The following GALNT2 variants were observed in gnomAD, a reference collection of about 807,000 sequenced individuals.
GALNT2 encodes the protein UDP-GalNAc:polypeptide N-acetylgalactosaminyltransferase 2.
Under a neutral mutation model 81.4 loss-of-function variants are expected in GALNT2, and 31 were observed. The ratio of observed to expected loss-of-function variants is 0.38; its 90% confidence interval spans 0.29 to 0.51. The LOEUF (loss-of-function observed/expected upper bound fraction) is 0.51. Ranked by LOEUF, GALNT2 falls within the 20% of genes least tolerant of loss-of-function variation. The pLI, the probability that GALNT2 is intolerant of heterozygous loss-of-function variation, is 0.87. For missense variants in GALNT2, 629 were observed against 765.7 expected (o/e 0.82, Z 2.11); for synonymous variants, 303 against 287.4 (o/e 1.05, Z -0.55).
intron 1 of GALNT2, among the ~76,000 whole-genome samples, chr1:230,150,262 C>T (rs994393634): frequency 6.6e-5 from 10 of 152,216 alleles, no homozygotes; most frequent in African/African-American, 2.2e-4. Context: ...CGAAGCTTCC[C>T]TCTTTACCTC....
chr1:230,234,714 C>T (rs920573718), intron 3 of GALNT2, among the ~76,000 whole-genome samples: 9 of 152,172 alleles, frequency 5.9e-5, no homozygotes, highest in South Asian at 2.1e-4. Context: ...TAGAAGTCCT[C>T]GTGGGCTGTC....
At chr1:230,267,812 T>C (rs1572158801) in intron 14 of GALNT2, among the ~76,000 whole-genome samples, 3 of 152,136 alleles carry the variant, frequency 2.0e-5, no homozygotes, top group African/African-American at 7.2e-5. Flanking sequence ...TGTCCATGCT[T>C]CTGTGTCCTT....
At chr1:230,142,092 C>T (rs1024239718) in intron 1 of GALNT2, among the ~76,000 whole-genome samples, 5 of 152,012 alleles carry the variant, frequency 3.3e-5, no homozygotes, top group South Asian at 2.1e-4. Flanking sequence ...CACCCCTGGC[C>T]GAGACCTTGC....
In GALNT2 at chr1:230,266,545, TC is replaced by T. The variant is rs1666042142; in HGVS notation, c.1440+1180del. Among the ~76,000 whole-genome samples, 3 of 152,328 alleles carry T rather than the reference TC, an allele frequency of 2.0e-5. No individual in the cohort carries two copies. In the South Asian group the frequency reaches 6.2e-4, roughly 32 times the overall value. On this transcript the variant is annotated intron_variant, in intron 14 of 15. Coordinates refer to ENST00000366672, the MANE Select transcript of GALNT2 (RefSeq NM_004481.5). Reference sequence around the variant, plus strand: ...GCATGTGCTTTTGTGTAAAGCTGGGTCCTCCTCCCAAGTGAGTGTCCAGGCA... The same window carrying T: ...GCATGTGCTTTTGTGTAAAGCTGGGTCTCCTCCCAAGTGAGTGTCCAGGCA...
At chr1:230,189,206 T>A (rs1663438208) in intron 2 of GALNT2, among the ~76,000 whole-genome samples, 1 of 152,200 alleles carries the variant, frequency 6.6e-6, no homozygotes, top group African/African-American at 2.4e-5. Flanking sequence ...TGTAAAGGGC[T>A]GAGGCTTAGG....
At chr1:230,229,440 G>T (rs1664808633) in intron 3 of GALNT2, among the ~76,000 whole-genome samples, 1 of 152,196 alleles carries the variant, frequency 6.6e-6, no homozygotes, top group African/African-American at 2.4e-5. Flanking sequence ...ACCTAGGGAT[G>T]GTGAGAATAC....
rs1349789188 is a variant in GALNT2, at chr1:230,279,556, A to T, written c.*98A>T. ...TGTTTCTTAAACTTTCCGCGAAACTAATATACCTCAGTATTCCATCATGGT... is the reference window on the plus strand; with the variant it reads ...TGTTTCTTAAACTTTCCGCGAAACTTATATACCTCAGTATTCCATCATGGT... On this transcript the variant is annotated 3_prime_UTR_variant, in exon 16 of 16. Coordinates refer to ENST00000366672, the MANE Select transcript of GALNT2 (RefSeq NM_004481.5). The surrounding 1 kb of genome is among the most constrained non-coding windows in gnomAD (Gnocchi z 4.6). 4 of 1,387,842 alleles carry T rather than the reference A, an allele frequency of 2.9e-6. No individual in the cohort carries two copies. The highest frequency in any genetic ancestry group is 3.9e-6 in the Non-Finnish European group (4 of 1,020,834). 86.0% of individuals were successfully genotyped at this position (1,387,842 alleles called of 1,614,324 possible). A position where few individuals can be genotyped will look rare whatever the true frequency, so the allele number is the denominator to read the frequency against.
At chr1:230,236,813 A>T in intron 6 of GALNT2, 88 bp downstream of exon 6, 1 of 1,316,246 alleles carries the variant, frequency 7.6e-7, no homozygotes, top group South Asian at 1.4e-5. Flanking sequence ...TCAAAGAGCA[A>T]TTAATTGTCT....
At chr1:230,208,730 G>A (rs1054082332) in intron 3 of GALNT2, among the ~76,000 whole-genome samples, 1 of 152,220 alleles carries the variant, frequency 6.6e-6, no homozygotes, top group African/African-American at 2.4e-5. Context: ...CTGTGTTCCC[G>A]TGATCAGGAG....
rs529907644 is a variant in GALNT2, at chr1:230,255,131, G to A, written c.1010-87G>A. The A allele has an allele frequency of 5.3e-5, 85 of 1,593,932 alleles. No individual in the cohort carries two copies. The African/African-American group carries it at 1.0e-3, about 19-fold the overall frequency. On this transcript the variant is annotated intron_variant, in intron 10 of 15. Transcript: ENST00000366672. Reference sequence around the variant, plus strand: ...GGAGCCCCATGATGGGATGGTCAGGGGGCCTCTGTACCTGCTTGGTGTGTC... The same window carrying A: ...GGAGCCCCATGATGGGATGGTCAGGAGGCCTCTGTACCTGCTTGGTGTGTC...
At chr1:230,098,972 C>T (rs539426973) in intron 1 of GALNT2, among the ~76,000 whole-genome samples, 83 of 152,238 alleles carry the variant, frequency 5.5e-4, no homozygotes, top group Middle Eastern at 3.4e-3. Context: ...GTGCATTGAG[C>T]GGGCTGGTCA....
Position 230,247,300 on chromosome 1 carries a change from C to A in GALNT2, c.817+1150C>A, listed in dbSNP as rs553710590. Among the ~76,000 whole-genome samples, 8 of 152,316 alleles carry A rather than the reference C, an allele frequency of 5.3e-5. No individual in the cohort carries two copies. In the South Asian group the frequency reaches 1.7e-3, roughly 32 times the overall value. On this transcript the variant is annotated intron_variant, in intron 8 of 15. Coordinates refer to ENST00000366672, the MANE Select transcript of GALNT2 (RefSeq NM_004481.5). ...TGGACTTTTTAGGGAGACTCAGCCA[C>A]GGTCCTAGACATTGTGGGCTTTGGC...
intron 2 of GALNT2, among the ~76,000 whole-genome samples, chr1:230,194,534 C>T (rs1252531581): frequency 6.6e-6 from 1 of 152,196 alleles, no homozygotes; most frequent in Admixed American, 6.5e-5. Flanking sequence ...TTCATGGCTA[C>T]AGGGATAAGA....
chr1:230,182,420 T>C (rs763038530), intron 2 of GALNT2, among the ~76,000 whole-genome samples: 1 of 152,202 alleles, frequency 6.6e-6, no homozygotes, highest in Non-Finnish European at 1.5e-5. Flanking sequence ...TTTTCATAAG[T>C]TTTGTTTTCA....
chr1:230,155,795 C>G (rs1321889452), intron 1 of GALNT2, among the ~76,000 whole-genome samples: 2 of 152,214 alleles, frequency 1.3e-5, no homozygotes, highest in Admixed American at 6.5e-5. Flanking sequence ...AGGGCCAGGT[C>G]GTGAGGGCAC....
intron 1 of GALNT2, among the ~76,000 whole-genome samples, chr1:230,133,978 T>G (rs1003235181): frequency 2.6e-5 from 4 of 152,214 alleles, no homozygotes; most frequent in African/African-American, 9.6e-5. Context: ...GCTTTCTGGT[T>G]TCCTCCATTT....
chr1:230,077,697 CA>C, intron 1 of GALNT2, among the ~76,000 whole-genome samples: 1 of 152,260 alleles, frequency 6.6e-6, no homozygotes, highest in South Asian at 2.1e-4. Context: ...CTATTTTCTT[CA>C]AACAGAGTCA....
At position 230,248,011 on chromosome 1, in the gene GALNT2, C is replaced by G. The variant is rs189189127; in HGVS notation, c.818-1173C>G. ...ACCATGATAAGAGCCAGCTCAGGGG[C>G]CCGCAGGGGTCTCCTCTCTGTGCAT... is the stretch of plus-strand genomic sequence containing the variant. On this transcript the variant is annotated intron_variant, in intron 8 of 15. Coordinates refer to ENST00000366672, the MANE Select transcript of GALNT2 (RefSeq NM_004481.5). 1.6e-4 allele frequency among the ~76,000 whole-genome samples: 24 copies of G among 152,198 alleles called. 1 individual carries two copies. The highest frequency in any genetic ancestry group is 1.4e-3 in the Admixed American group (22 of 15,296).
intron 2 of GALNT2, among the ~76,000 whole-genome samples, chr1:230,192,170 T>G (rs1353356249): frequency 6.6e-6 from 1 of 152,234 alleles, no homozygotes; most frequent in Non-Finnish European, 1.5e-5. Flanking sequence ...GCTTCAATTT[T>G]CCCCACTTAA....
Sources: allele counts gnomAD v4.1 joint callset (sites outside exome capture counted in the v4.1 genomes callset), GRCh38; gene constraint gnomAD v4.1.1; non-coding constraint Gnocchi (gnomAD v3.1); transcripts MANE v1.5; gene names NCBI Gene and HGNC (gene_info 2026-07-23, HGNC 2026-07-21).